The following GBF1 variants were observed in gnomAD, a reference collection of about 807,000 sequenced individuals.
The protein encoded by GBF1 is Golgi-specific brefeldin A-resistance guanine nucleotide exchange factor 1.
GBF1 carries 114 observed loss-of-function variants against 210.5 expected under a neutral mutation model. The observed-to-expected ratio is 0.54, with a 90% CI of 0.47 to 0.63. The LOEUF is 0.63. Ranked by LOEUF, GBF1 falls within the 30% of genes least tolerant of loss-of-function variation. The probability of loss-of-function intolerance (pLI) is 0.00; values close to 1 mark genes in which losing one functional copy is unlikely to be tolerated. For synonymous variants in GBF1, 850 were observed against 889.2 expected (o/e 0.96, Z 0.78); for missense variants, 1,851 against 2,357.7 (o/e 0.79, Z 4.45).
At chr10:102,252,515 G>C (rs2071692868) in intron 1 of GBF1, among the ~76,000 whole-genome samples, 1 of 152,124 alleles carries the variant, frequency 6.6e-6, no homozygotes, top group Non-Finnish European at 1.5e-5. Context: ...AGCTTCATAT[G>C]CAAAGGCAAA....
intron 3 of GBF1, among the ~76,000 whole-genome samples, chr10:102,304,708 AG>A (rs1358199175): frequency 1.3e-5 from 2 of 152,022 alleles, no homozygotes; most frequent in African/African-American, 4.8e-5. Context: ...TGGGAGGTGG[AG>A]GTTGCAGTGA....
chr10:102,285,084 A>G (rs1056223636), intron 3 of GBF1, among the ~76,000 whole-genome samples: 1 of 152,212 alleles, frequency 6.6e-6, no homozygotes, highest in Non-Finnish European at 1.5e-5. Flanking sequence ...TTGAGATTTT[A>G]GCTTTTATAC....
intron 3 of GBF1, among the ~76,000 whole-genome samples, chr10:102,266,677 G>A (rs963397545): frequency 4.6e-5 from 7 of 152,150 alleles, no homozygotes; most frequent in African/African-American, 1.7e-4. Flanking sequence ...AAAAACAATA[G>A]CTCATATTTG....
chr10:102,323,357 C>T (rs553155357), intron 3 of GBF1, among the ~76,000 whole-genome samples: 17 of 151,578 alleles, frequency 1.1e-4, no homozygotes, highest in African/African-American at 3.9e-4. Flanking sequence ...CAGTCACAGA[C>T]GAGATTCAAG....
intron 3 of GBF1, among the ~76,000 whole-genome samples, chr10:102,260,473 C>CTCTTTTTTT (rs2073056936): frequency 2.7e-5 from 2 of 74,794 alleles, no homozygotes; most frequent in African/African-American, 1.4e-4. Flanking sequence ...ATTTTCCTTT[C>CTCTTTTTTT]TTCTTTTTTT....
Position 102,366,957 on chromosome 10 carries a change from T to G in GBF1, c.2434-128T>G. ...AAAGAGATCAGCTTCTGTTAAGGAG[T>G]TGGCAAGAGACTGGCCACTTTCTGG... is the stretch of plus-strand genomic sequence containing the variant. On this transcript the variant is annotated intron_variant, in intron 19 of 39. Coordinates refer to ENST00000369983, the MANE Select transcript of GBF1 (RefSeq NM_001377137.1). This position sits in a 1 kb window ranked among gnomAD's most constrained non-coding sequence, Gnocchi z 4.0. 3 of 963,296 alleles carry G rather than the reference T, an allele frequency of 3.1e-6. No homozygotes were observed. Among genetic ancestry groups the G allele is most frequent in the South Asian group, 3.2e-5 (2 of 62,294 alleles). The allele number at this position is 963,296 out of a possible 1,614,324, so 59.7% of individuals were successfully genotyped here.
chr10:102,381,970 ACT>A (rs758312549), intron 39 of GBF1, 84 bp from the exon 40 acceptor site: 325 of 1,182,150 alleles, frequency 2.7e-4, no homozygotes, highest in Non-Finnish European at 3.4e-4. Context: ...AGGAACAGAG[ACT>A]CTATAAGCAG....
At chr10:102,370,039 T>C (rs1230700118) in intron 26 of GBF1, 55 bp downstream of exon 26, 3 of 1,600,516 alleles carry the variant, frequency 1.9e-6, no homozygotes, top group Non-Finnish European at 2.6e-6. Context: ...TATTAGATGC[T>C]ACTTGGTGAA....
rs1565163935 is a variant in GBF1 at position 102,363,662 on chromosome 10, T to A, written c.2018-48T>A. 1 of 1,238,388 alleles carries A rather than the reference T, an allele frequency of 8.1e-7. No individual in the cohort carries two copies. The highest frequency in any genetic ancestry group is 1.2e-6 in the Non-Finnish European group (1 of 838,748). 76.7% of individuals were successfully genotyped at this position (1,238,388 alleles called of 1,614,324 possible). A position where few individuals can be genotyped will look rare whatever the true frequency, so the allele number is the denominator to read the frequency against. Reference sequence around the variant, plus strand: ...GACCTTCCAAAAGTCCTTATCTGGGTAAAAAAAGGTGTTACAGATATTTCC... The same window carrying A: ...GACCTTCCAAAAGTCCTTATCTGGGAAAAAAAAGGTGTTACAGATATTTCC... On this transcript the variant is annotated intron_variant, in intron 16 of 39. Transcript: ENST00000369983. The surrounding 1 kb of genome is among the most constrained non-coding windows in gnomAD (Gnocchi z 4.2).
At chr10:102,274,620 A>G (rs1165709392) in intron 3 of GBF1, among the ~76,000 whole-genome samples, 5 of 150,418 alleles carry the variant, frequency 3.3e-5, no homozygotes, top group South Asian at 2.1e-4. Context: ...ATAAAATTCA[A>G]CTTTGCATTT....
chr10:102,256,406 T>G (rs932642852), intron 1 of GBF1, among the ~76,000 whole-genome samples: 2 of 152,264 alleles, frequency 1.3e-5, no homozygotes, highest in Middle Eastern at 6.8e-3. Context: ...TTTTTGTATC[T>G]ATTCCACTAA....
chr10:102,238,280 G>A, the GBF1 span, among the ~76,000 whole-genome samples: 1 of 152,180 alleles, frequency 6.6e-6, no homozygotes, highest in Non-Finnish European at 1.5e-5. Context: ...TAGTGTGAAT[G>A]GAGAAGAAAA....
intron 3 of GBF1, among the ~76,000 whole-genome samples, chr10:102,317,061 A>G (rs2078994214): frequency 6.6e-6 from 1 of 152,210 alleles, no homozygotes; most frequent in Non-Finnish European, 1.5e-5. Flanking sequence ...CTTAGTAATA[A>G]TAGTCTTCAG....
intron 3 of GBF1, among the ~76,000 whole-genome samples, chr10:102,292,271 A>G (rs2076505674): frequency 6.6e-6 from 1 of 152,086 alleles, no homozygotes; most frequent in Non-Finnish European, 1.5e-5. Context: ...AAATTCTGGA[A>G]TCTCTGGGAC....
intron 3 of GBF1, among the ~76,000 whole-genome samples, chr10:102,342,448 T>C (rs773557176): frequency 3.9e-5 from 6 of 152,026 alleles, no homozygotes; most frequent in South Asian, 2.1e-4. Context: ...TCTAGGTTTT[T>C]TCTGTAAATT....
chr10:102,303,067 A>C (rs2077530370), intron 3 of GBF1, among the ~76,000 whole-genome samples: 1 of 147,154 alleles, frequency 6.8e-6, no homozygotes, highest in Non-Finnish European at 1.5e-5. Context: ...AACTCACTGC[A>C]ACCTCCGCCT....
intron 3 of GBF1, among the ~76,000 whole-genome samples, chr10:102,271,727 C>G (rs1388071277): frequency 6.6e-6 from 1 of 151,934 alleles, no homozygotes; most frequent in Non-Finnish European, 1.5e-5. Flanking sequence ...CTATGTAATT[C>G]ATATTATTAC....
rs1336003534 is a variant in GBF1 at position 102,382,615 on chromosome 10, G to A, written c.*279G>A. The stretch of plus-strand genomic sequence containing the variant: ...TCTGCCTCCAGCCCGGCAGCTCTGG[G>A]GAGGCATCCGTGTGCCGGCCCTGCA... On this transcript the variant is annotated 3_prime_UTR_variant, in exon 40 of 40. Transcript: ENST00000369983. The A allele has an allele frequency of 1.0e-5, 4 of 400,726 alleles. No homozygotes were observed. The highest frequency in any genetic ancestry group is 1.8e-5 in the Non-Finnish European group (4 of 224,562). 24.8% of individuals were successfully genotyped at this position (400,726 alleles called of 1,614,324 possible).
intron 3 of GBF1, among the ~76,000 whole-genome samples, chr10:102,281,830 T>C (rs1263353306): frequency 6.6e-6 from 1 of 151,942 alleles, no homozygotes; most frequent in African/African-American, 2.4e-5. Context: ...AAGGATTCCA[T>C]CTAGGATACC....
Sources: allele counts gnomAD v4.1 joint callset (sites outside exome capture counted in the v4.1 genomes callset), GRCh38; gene constraint gnomAD v4.1.1; non-coding constraint Gnocchi (gnomAD v3.1); transcripts MANE v1.5; gene names NCBI Gene and HGNC (gene_info 2026-07-23, HGNC 2026-07-21).